The following SPIDR variants were observed in gnomAD, a reference collection of about 807,000 sequenced individuals.
SPIDR encodes DNA repair-scaffolding protein.
SPIDR carries 93 observed loss-of-function variants against 104.6 expected under a neutral mutation model. That is an observed-to-expected ratio of 0.89 (90% CI 0.75 to 1.06). The LOEUF is 1.06. Among genes scored for constraint, SPIDR ranks in the 50% least tolerant of loss-of-function variants. The pLI, the probability that SPIDR is intolerant of heterozygous loss-of-function variation, is 0.00. For missense variants in SPIDR, 1,154 were observed against 1,111.2 expected (o/e 1.04, Z -0.55); for synonymous variants, 431 against 416.9 (o/e 1.03, Z -0.41).
intron 8 of SPIDR, among the ~76,000 whole-genome samples, chr8:47,578,986 C>G (rs1425704651): frequency 6.6e-6 from 1 of 152,142 alleles, no homozygotes; most frequent in Non-Finnish European, 1.5e-5. Flanking sequence ...GCTTAAACTT[C>G]TTATTTCTGA....
At chr8:47,351,720 A>T (rs1412162069) in intron 5 of SPIDR, among the ~76,000 whole-genome samples, 1 of 152,188 alleles carries the variant, frequency 6.6e-6, no homozygotes, top group Non-Finnish European at 1.5e-5. Context: ...CACATTGAGT[A>T]CTACACTGAA....
intron 10 of SPIDR, among the ~76,000 whole-genome samples, chr8:47,672,983 G>T (rs2154472166): frequency 6.6e-6 from 1 of 152,318 alleles, no homozygotes; most frequent in South Asian, 2.1e-4. Flanking sequence ...GGCTTCATCT[G>T]TTCTCCTCCA....
intron 8 of SPIDR, among the ~76,000 whole-genome samples, chr8:47,535,549 T>G (rs1188520235): frequency 6.6e-6 from 1 of 152,056 alleles, no homozygotes; most frequent in Non-Finnish European, 1.5e-5. Context: ...ATAAAAAGAA[T>G]TATCTACCCT....
intron 8 of SPIDR, chr8:47,547,276 T>G (rs756198457): frequency 1.0e-5 from 6 of 596,700 alleles, no homozygotes; most frequent in Non-Finnish European, 2.0e-5. Flanking sequence ...AAAGCAACCC[T>G]TGGTGTCATA....
At chr8:47,363,519 T>A (rs1328296474) in intron 5 of SPIDR, among the ~76,000 whole-genome samples, 1 of 150,226 alleles carries the variant, frequency 6.7e-6, no homozygotes, top group African/African-American at 2.5e-5. Context: ...AAAAAAAAAA[T>A]TAGGTCAAAG....
Position 47,389,460 on chromosome 8 carries a change from C to T in SPIDR, c.526-6916C>T, listed in dbSNP as rs559863496. ...ATCCCAGCACTTTGGGAGGCCGAGG[C>T]GGGCAGATCACGAGGTCAGGAGATC... On this transcript the variant is annotated intron_variant, in intron 5 of 19. Coordinates refer to ENST00000297423, the MANE Select transcript of SPIDR (RefSeq NM_001080394.4). Among the ~76,000 whole-genome samples the T allele has an allele frequency of 1.5e-4, 23 of 152,034 alleles. No homozygotes were observed. The South Asian group carries it at 3.5e-3, about 23-fold the overall frequency.
In SPIDR at chr8:47,260,948, C is replaced by T. The variant is rs2031942002; in HGVS notation, c.-11C>T. 1 of 1,228,514 alleles carries T rather than the reference C, an allele frequency of 8.1e-7. No individual in the cohort carries two copies. The highest frequency in any genetic ancestry group is 1.0e-6 in the Non-Finnish European group (1 of 985,662). The allele number at this position is 1,228,514 out of a possible 1,614,324, so 76.1% of individuals were successfully genotyped here. ...CTGAGGAGGCGGTGCGCTCAGGCGGCGCTCCCGGAGATGCCCCGCGGCAGC... is the reference window on the plus strand; with the variant it reads ...CTGAGGAGGCGGTGCGCTCAGGCGGTGCTCCCGGAGATGCCCCGCGGCAGC... On this transcript the variant is annotated 5_prime_UTR_variant, in exon 1 of 20. Transcript: ENST00000297423.
chr8:47,379,253 T>G (rs1173583877), intron 5 of SPIDR, among the ~76,000 whole-genome samples: 1 of 152,142 alleles, frequency 6.6e-6, no homozygotes, highest in Non-Finnish European at 1.5e-5. Context: ...CAACATATAA[T>G]AAGAAGTTAG....
In SPIDR at chr8:47,735,448, T is replaced by G. The variant is rs752396729; in HGVS notation, c.2746T>G (p.Ter916GluextTer7). 1.5e-5 allele frequency: 25 copies of G among 1,614,072 alleles called. No homozygotes were observed. The East Asian group carries it at 4.9e-4, about 32-fold the overall frequency. Residue 916 changes from the stop codon to glutamate, a stop_lost, in exon 20 of 20, where the codon TAG (stop) becomes GAG (glutamate). Coordinates refer to ENST00000297423, the MANE Select transcript of SPIDR (RefSeq NM_001080394.4). ...LSAGGASAEH[*>E] ...TGCAGGAGGGGCCTCTGCAGAACAC[T>G]AGCGGTTGCCGCAGGATCTGTGAAC...
intron 8 of SPIDR, among the ~76,000 whole-genome samples, chr8:47,502,232 G>A (rs997598716): frequency 6.6e-6 from 1 of 152,174 alleles, no homozygotes; most frequent in South Asian, 2.1e-4. Context: ...GCTCCTCCTT[G>A]TACCTCTGAT....
intron 8 of SPIDR, among the ~76,000 whole-genome samples, chr8:47,574,087 G>C (rs984962836): frequency 6.6e-6 from 1 of 152,216 alleles, no homozygotes. Flanking sequence ...CTTAGTGCTT[G>C]CCTCTATGTG....
At position 47,530,265 on chromosome 8, in the gene SPIDR, C is replaced by T. The variant is rs564568840; in HGVS notation, c.1098-65546C>T. On this transcript the variant is annotated intron_variant, in intron 8 of 19. Transcript: ENST00000297423. ...GGCAGATAACTTGAGGCCAGGAGTT[C>T]CAGACCAGCCTGGCCAAAATGGTGA... Among the ~76,000 whole-genome samples the T allele has an allele frequency of 1.9e-3, 293 of 152,170 alleles. 1 individual carries two copies. The highest frequency in any genetic ancestry group is 3.2e-3 in the Non-Finnish European group (215 of 68,004).
At chr8:47,552,163 C>T (rs1011588099) in intron 8 of SPIDR, among the ~76,000 whole-genome samples, 3 of 152,104 alleles carry the variant, frequency 2.0e-5, no homozygotes, top group Non-Finnish European at 4.4e-5. Context: ...TGTTCTTTTA[C>T]ATTTGCTGAG....
At position 47,713,566 on chromosome 8, in the gene SPIDR, TGTGAGCTGCCTGGCCCG is replaced by T; in HGVS notation, c.2271_2287del (p.Glu757AspfsTer36). On this transcript the variant is annotated frameshift_variant, in exon 16 of 20. Transcript: ENST00000297423. LOFTEE classifies it high-confidence loss of function. ...GAGTGTGGTCTCTGGTGCAAGTTCCTGTGAGCTGCCTGGCCCGGTGATGCTCGACAGCCTGGACTCTG... is the reference window on the plus strand; with the variant it reads ...GAGTGTGGTCTCTGGTGCAAGTTCCTGTGATGCTCGACAGCCTGGACTCTG... The T allele has an allele frequency of 1.9e-6, 3 of 1,614,234 alleles. No homozygotes were observed. Among genetic ancestry groups the T allele is most frequent in the Non-Finnish European group, 2.5e-6 (3 of 1,180,028 alleles).
intron 1 of SPIDR, among the ~76,000 whole-genome samples, chr8:47,263,883 T>G (rs73582846): frequency 0.059 from 9,058 of 152,282 alleles, 953 homozygotes; most frequent in African/African-American, 0.21. Context: ...ACATTAGGTT[T>G]ATTTGTGTCT....
intron 1 of SPIDR, among the ~76,000 whole-genome samples, chr8:47,261,596 A>C (rs1378096256): frequency 6.6e-6 from 1 of 152,184 alleles, no homozygotes. Context: ...TTATCGTTTT[A>C]AAGTTTCTTC....
intron 10 of SPIDR, among the ~76,000 whole-genome samples, chr8:47,638,536 T>TTA (rs1225312363): frequency 6.6e-6 from 1 of 152,224 alleles, no homozygotes; most frequent in Admixed American, 6.5e-5. Context: ...TGTGGAATGT[T>TTA]TGATATGTAC....
At chr8:47,344,451 T>C (rs2051445848) in intron 5 of SPIDR, among the ~76,000 whole-genome samples, 1 of 152,192 alleles carries the variant, frequency 6.6e-6, no homozygotes, top group Non-Finnish European at 1.5e-5. Context: ...GTCTTTATAA[T>C]AGCATGATTT....
chr8:47,563,981 T>C (rs1015703911), intron 8 of SPIDR, among the ~76,000 whole-genome samples: 2 of 152,100 alleles, frequency 1.3e-5, no homozygotes, highest in Non-Finnish European at 1.5e-5. Flanking sequence ...TTATAAAGTG[T>C]GAAGAAGAAC....
Sources: gnomAD v4.1 joint callset for allele counts (sites outside exome capture counted in the v4.1 genomes callset) on GRCh38, gnomAD v4.1.1 for gene constraint, MANE v1.5 for transcripts, NCBI Gene and HGNC (gene_info 2026-07-23, HGNC 2026-07-21) for gene names.